The following CTNNA3 variants were observed in gnomAD, a reference collection of about 807,000 sequenced individuals.
CTNNA3 encodes the protein catenin alpha-3.
In CTNNA3, 76 loss-of-function variants were observed where a neutral mutation model predicts 95.7. The observed-to-expected ratio is 0.79, with a 90% CI of 0.66 to 0.96. The LOEUF is 0.96. Ranked by LOEUF, CTNNA3 falls within the 40% of genes least tolerant of loss-of-function variation. CTNNA3 has a pLI of 0.00. For synonymous variants in CTNNA3, 431 were observed against 374.4 expected (o/e 1.15, Z -1.74); for missense variants, 1,191 against 1,089.8 (o/e 1.09, Z -1.31).
chr10:67,213,045 A>C (rs1864201795), intron 6 of CTNNA3, among the ~76,000 whole-genome samples: 1 of 151,812 alleles, frequency 6.6e-6, no homozygotes, highest in South Asian at 2.1e-4. Flanking sequence ...GGAAGGGTTT[A>C]TAGTATTCTA....
At chr10:66,150,713 A>G (rs982940885) in intron 13 of CTNNA3, among the ~76,000 whole-genome samples, 1 of 151,990 alleles carries the variant, frequency 6.6e-6, no homozygotes, top group South Asian at 2.1e-4. Flanking sequence ...CTATAATGCT[A>G]TTGAACACTA....
chr10:67,241,970 A>G (rs992824666), intron 5 of CTNNA3, among the ~76,000 whole-genome samples: 1 of 152,190 alleles, frequency 6.6e-6, no homozygotes, highest in African/African-American at 2.4e-5. Context: ...TCCTGTCTCA[A>G]CACTCTTTCT....
chr10:66,173,508 G>A (rs1433906255), intron 13 of CTNNA3, among the ~76,000 whole-genome samples: 1 of 151,854 alleles, frequency 6.6e-6, no homozygotes, highest in Non-Finnish European at 1.5e-5. Context: ...AAGATAATGA[G>A]ACTCCATCTC....
intron 2 of CTNNA3, among the ~76,000 whole-genome samples, chr10:67,617,975 T>G (rs1843708089): frequency 6.6e-6 from 1 of 152,038 alleles, no homozygotes; most frequent in Admixed American, 6.6e-5. Flanking sequence ...TCTCCTTTTC[T>G]ACAAATAAAT....
Position 67,180,540 on chromosome 10 carries a change from G to A in CTNNA3, c.844-20C>T, listed in dbSNP as rs1357392485. 3 of 1,579,842 alleles carry A rather than the reference G, an allele frequency of 1.9e-6. No individual in the cohort carries two copies. The highest frequency in any genetic ancestry group is 4.5e-5 in the East Asian group (2 of 44,676). ...TAAATTCTAAGAGAAGAACACATTT[G>A]TATGGTTAGAGCTCCATGGCATTTC... is the stretch of plus-strand genomic sequence containing the variant. On this transcript the variant is annotated intron_variant, in intron 6 of 17. Coordinates refer to ENST00000433211, the MANE Select transcript of CTNNA3 (RefSeq NM_013266.4).
At chr10:66,774,013 G>A (rs1361750010) in intron 8 of CTNNA3, among the ~76,000 whole-genome samples, 2 of 152,180 alleles carry the variant, frequency 1.3e-5, no homozygotes, top group Admixed American at 6.5e-5. Flanking sequence ...TTAACTGGGT[G>A]CCTTGTGCTT....
chr10:66,374,111 T>C (rs1316874797), intron 12 of CTNNA3, among the ~76,000 whole-genome samples: 1 of 152,180 alleles, frequency 6.6e-6, no homozygotes, highest in East Asian at 1.9e-4. Flanking sequence ...TTGGTGATCA[T>C]TGATCATTGG....
chr10:67,562,702 C>CAAA (rs1564742438), intron 3 of CTNNA3, among the ~76,000 whole-genome samples: 1 of 152,010 alleles, frequency 6.6e-6, no homozygotes, highest in Non-Finnish European at 1.5e-5. Context: ...TCAAACTGTC[C>CAAA]CTATTTGCAG....
intron 7 of CTNNA3, among the ~76,000 whole-genome samples, chr10:67,046,536 T>C (rs1315651828): frequency 2.0e-5 from 3 of 152,226 alleles, no homozygotes; most frequent in Non-Finnish European, 2.9e-5. Context: ...CTATCCGTCT[T>C]TCATCCCACT....
intron 13 of CTNNA3, among the ~76,000 whole-genome samples, chr10:66,273,119 G>T (rs2091317928): frequency 6.6e-6 from 1 of 151,988 alleles, no homozygotes; most frequent in Non-Finnish European, 1.5e-5. Context: ...TCCTTAATAA[G>T]TCAAGAACTT....
At chr10:66,302,051 A>C (rs2091870176) in intron 12 of CTNNA3, among the ~76,000 whole-genome samples, 1 of 152,080 alleles carries the variant, frequency 6.6e-6, no homozygotes, top group Admixed American at 6.5e-5. Flanking sequence ...ATTTGAAATT[A>C]AAAACACAAT....
At chr10:67,653,580 T>C (rs950486473) in intron 1 of CTNNA3, among the ~76,000 whole-genome samples, 1 of 152,164 alleles carries the variant, frequency 6.6e-6, no homozygotes, top group Non-Finnish European at 1.5e-5. Flanking sequence ...CTATGCATCT[T>C]CTTTCTTCAT....
chr10:66,877,725 C>T (rs1343114186), intron 7 of CTNNA3, among the ~76,000 whole-genome samples: 1 of 152,140 alleles, frequency 6.6e-6, no homozygotes, highest in East Asian at 1.9e-4. Context: ...CTTTTTATTC[C>T]ATATCCTCTA....
At position 67,627,451 on chromosome 10, in the gene CTNNA3, CA is replaced by C. The variant is rs891787363; in HGVS notation, c.99+19963del. On this transcript the variant is annotated intron_variant, in intron 2 of 17. Coordinates refer to ENST00000433211, the MANE Select transcript of CTNNA3 (RefSeq NM_013266.4). ...TTAGCTGATGCTGGTTTTGCTTTTT[CA>C]AAAAAAATACATAATAACCTAAATA... 4.9e-3 allele frequency among the ~76,000 whole-genome samples: 736 copies of C among 151,298 alleles called. 5 individuals carry two copies. The highest frequency in any genetic ancestry group is 0.017 in the African/African-American group (689 of 41,330).
intron 9 of CTNNA3, among the ~76,000 whole-genome samples, chr10:66,747,811 A>T (rs1043252809): frequency 2.0e-5 from 3 of 152,204 alleles, no homozygotes; most frequent in Non-Finnish European, 4.4e-5. Context: ...AAAGAAATAG[A>T]TAAATCCTGG....
chr10:65,939,849 T>C (rs953998823), intron 17 of CTNNA3, among the ~76,000 whole-genome samples: 1 of 152,208 alleles, frequency 6.6e-6, no homozygotes, highest in Non-Finnish European at 1.5e-5. Flanking sequence ...AAATGCAGTG[T>C]GGTGGTATTT....
chr10:66,808,355 T>C (rs1841738628), intron 7 of CTNNA3, among the ~76,000 whole-genome samples: 1 of 152,122 alleles, frequency 6.6e-6, no homozygotes, highest in South Asian at 2.1e-4. Flanking sequence ...ACACATGGAA[T>C]ATTGTGTTCA....
At chr10:66,167,389 T>A (rs1426130478) in intron 13 of CTNNA3, among the ~76,000 whole-genome samples, 1 of 152,176 alleles carries the variant, frequency 6.6e-6, no homozygotes, top group Non-Finnish European at 1.5e-5. Flanking sequence ...AAGTTTCCTG[T>A]GAGATTTACA....
chr10:66,367,141 G>T lies in CTNNA3; in HGVS notation c.1732+12011C>A, dbSNP rs552542264. The stretch of plus-strand genomic sequence containing the variant: ...TGAATTATGAATCTTCAGGATATAC[G>T]TCCCACTGATCACATAGCCAAGCCA... On this transcript the variant is annotated intron_variant, in intron 12 of 17. Transcript: ENST00000433211. 4.6e-5 allele frequency among the ~76,000 whole-genome samples: 7 copies of T among 152,116 alleles called. No individual in the cohort carries two copies. In the South Asian group the frequency reaches 1.5e-3, roughly 32 times the overall value.
Sources: allele counts gnomAD v4.1 joint callset (sites outside exome capture counted in the v4.1 genomes callset), GRCh38; gene constraint gnomAD v4.1.1; transcripts MANE v1.5; gene names NCBI Gene and HGNC (gene_info 2026-07-23, HGNC 2026-07-21).